Variants in GRIK1 observed in about 807,000 individuals in gnomAD.
The protein encoded by GRIK1 is glutamate receptor ionotropic, kainate 1.
In GRIK1, 69 loss-of-function variants were observed where a neutral mutation model predicts 105.7. That is an observed-to-expected ratio of 0.65 (90% CI 0.54 to 0.80). The LOEUF is 0.80. Ranked by LOEUF, GRIK1 falls within the 30% of genes least tolerant of loss-of-function variation. The pLI, the probability that GRIK1 is intolerant of heterozygous loss-of-function variation, is 0.00. For missense variants in GRIK1, 1,109 were observed against 1,167.3 expected (o/e 0.95, Z 0.73); for synonymous variants, 438 against 431.3 (o/e 1.02, Z -0.19).
At chr21:29,784,056 C>T (rs570980252) in intron 1 of GRIK1, among the ~76,000 whole-genome samples, 6 of 152,134 alleles carry the variant, frequency 3.9e-5, no homozygotes, top group Non-Finnish European at 5.9e-5. Context: ...CCTCAGCCTC[C>T]TGAGTAGCTG....
At chr21:29,758,892 G>A (rs201877561) in intron 1 of GRIK1, 5 of 153,150 alleles carry the variant, frequency 3.3e-5, no homozygotes, top group East Asian at 1.9e-4. Flanking sequence ...TTGATCTGCT[G>A]TCTCTGGATG....
chr21:29,824,123 T>C (rs935425548), intron 1 of GRIK1, among the ~76,000 whole-genome samples: 1 of 151,970 alleles, frequency 6.6e-6, no homozygotes, highest in Non-Finnish European at 1.5e-5. Context: ...TGATGCTGGA[T>C]ATATTTTAAA....
chr21:29,895,893 G>A (rs924213406), intron 1 of GRIK1, among the ~76,000 whole-genome samples: 17 of 152,272 alleles, frequency 1.1e-4, no homozygotes, highest in Non-Finnish European at 1.8e-4. Flanking sequence ...GGCTTCCACT[G>A]ACTTCTCATC....
In GRIK1 at chr21:29,537,798, C is replaced by T. The variant is rs1394302124; in HGVS notation, c.2694G>A (p.Lys898=). 8.3e-6 allele frequency: 12 copies of T among 1,450,900 alleles called. No homozygotes were observed. The highest frequency in any genetic ancestry group is 2.3e-5 in the East Asian group (1 of 44,186). The allele number at this position is 1,450,900 out of a possible 1,614,324, so 89.9% of individuals were successfully genotyped here. A position where few individuals can be genotyped will look rare whatever the true frequency, so the allele number is the denominator to read the frequency against. ...GTAATGCTATAGAAAATGAACAAAC[C>T]TTCTCTACACCAAGGCTTTGTTTTT... is the stretch of plus-strand genomic sequence containing the variant. ...GRKKQSLGVE[K]CLSFNAIMEE... is the part of the protein sequence containing the mutation. Residue 898 remains lysine, a splice_region_variant and synonymous_variant, in exon 17 of 18, where the codon AAG becomes AAA. Transcript: ENST00000327783.
chr21:29,873,658 G>A (rs1051343524), intron 1 of GRIK1, among the ~76,000 whole-genome samples: 1 of 152,198 alleles, frequency 6.6e-6, no homozygotes, highest in African/African-American at 2.4e-5. Context: ...GCAGGACAGT[G>A]TTTCTCAGGA....
At chr21:29,648,117 A>G (rs1359536013) in intron 6 of GRIK1, among the ~76,000 whole-genome samples, 1 of 152,194 alleles carries the variant, frequency 6.6e-6, no homozygotes, top group African/African-American at 2.4e-5. Flanking sequence ...TATTAGAGAG[A>G]AAAATAGACA....
intron 1 of GRIK1, among the ~76,000 whole-genome samples, chr21:29,938,450 A>C (rs1363853318): frequency 1.3e-5 from 2 of 152,352 alleles, no homozygotes; most frequent in African/African-American, 4.8e-5. Flanking sequence ...TAAAAGGCGA[A>C]GAGCTGTGTC....
chr21:29,846,465 GAAAGAAAGAAAGAAAGAA>G lies in GRIK1; in HGVS notation c.118+92900_118+92917del, dbSNP rs2068123868. Among the ~76,000 whole-genome samples the G allele has an allele frequency of 1.5e-4, 6 of 40,144 alleles. No homozygotes were observed. In the Admixed American group the frequency reaches 1.7e-3, roughly 11 times the overall value. 26.3% of individuals were successfully genotyped at this position (40,144 alleles called of 152,430 possible). On this transcript the variant is annotated intron_variant, in intron 1 of 17. Coordinates refer to ENST00000327783, the MANE Select transcript of GRIK1 (RefSeq NM_001330994.2). ...AGAAGGAAAGAAGGAAAGAGAGAGA[GAAAGAAAGAAAGAAAGAA>G]AGAAAGAAAGAAAGAAAGAAAGAAA... is the stretch of plus-strand genomic sequence containing the variant.
At chr21:29,826,321 A>G (rs466026) in intron 1 of GRIK1, among the ~76,000 whole-genome samples, 59,561 of 151,956 alleles carry the variant, frequency 0.39, 12,687 homozygotes, top group East Asian at 0.7. Flanking sequence ...TTATGTGTCA[A>G]CTGGGCTTGG....
chr21:29,792,855 G>A (rs965100009), intron 1 of GRIK1, among the ~76,000 whole-genome samples: 6 of 152,268 alleles, frequency 3.9e-5, no homozygotes, highest in South Asian at 2.1e-4. Flanking sequence ...TGTATAGCAC[G>A]AAGAGTAATT....
intron 4 of GRIK1, among the ~76,000 whole-genome samples, chr21:29,669,351 A>G (rs1452956336): frequency 6.6e-6 from 1 of 152,250 alleles, no homozygotes; most frequent in Non-Finnish European, 1.5e-5. Context: ...GAAAACGCAC[A>G]TAAAGAGGGT....
At chr21:29,682,157 C>T (rs147836421) in intron 3 of GRIK1, among the ~76,000 whole-genome samples, 5 of 152,316 alleles carry the variant, frequency 3.3e-5, no homozygotes, top group South Asian at 2.1e-4. Context: ...GCTAAAGTTG[C>T]TTCCCTCAAT....
intron 7 of GRIK1, among the ~76,000 whole-genome samples, chr21:29,612,055 G>T (rs2061741417): frequency 6.6e-6 from 1 of 152,156 alleles, no homozygotes; most frequent in Non-Finnish European, 1.5e-5. Flanking sequence ...AATGTCACAA[G>T]GCTAGAATGG....
intron 1 of GRIK1, among the ~76,000 whole-genome samples, chr21:29,800,849 AAG>A (rs1265219100): frequency 5.9e-5 from 9 of 152,190 alleles, no homozygotes; most frequent in Non-Finnish European, 1.3e-4. Context: ...AGGAGGGAGA[AAG>A]AGGATCCATG....
At chr21:29,780,365 A>G (rs1249032937) in intron 1 of GRIK1, among the ~76,000 whole-genome samples, 5 of 152,302 alleles carry the variant, frequency 3.3e-5, no homozygotes, top group East Asian at 1.9e-4. Context: ...TTGTAATAAC[A>G]TTATTGGAAT....
intron 1 of GRIK1, among the ~76,000 whole-genome samples, chr21:29,726,465 C>A (rs769885608): frequency 6.6e-6 from 1 of 152,116 alleles, no homozygotes; most frequent in Non-Finnish European, 1.5e-5. Flanking sequence ...TTTGTTATTA[C>A]GCTTATGTGA....
intron 14 of GRIK1, among the ~76,000 whole-genome samples, chr21:29,576,481 A>G (rs2090896980): frequency 6.6e-6 from 1 of 152,102 alleles, no homozygotes; most frequent in African/African-American, 2.4e-5. Flanking sequence ...TTAATTCTCT[A>G]ACTAAATTCC....
At chr21:29,879,393 A>G (rs910921319) in intron 1 of GRIK1, among the ~76,000 whole-genome samples, 4 of 152,092 alleles carry the variant, frequency 2.6e-5, no homozygotes, top group African/African-American at 9.7e-5. Flanking sequence ...AGAGTTAGTG[A>G]AAGGCATCCA....
At chr21:29,706,344 A>C (rs926865951) in intron 1 of GRIK1, among the ~76,000 whole-genome samples, 2 of 152,258 alleles carry the variant, frequency 1.3e-5, no homozygotes, top group Admixed American at 6.5e-5. Flanking sequence ...GCTGTAGAAC[A>C]TCTAAAAAGC....
Sources: gnomAD v4.1 joint callset for allele counts (sites outside exome capture counted in the v4.1 genomes callset) on GRCh38, gnomAD v4.1.1 for gene constraint, MANE v1.5 for transcripts, NCBI Gene and HGNC (gene_info 2026-07-23, HGNC 2026-07-21) for gene names.